Variants in MAP2K4 observed in about 807,000 individuals in gnomAD.
MAP2K4 encodes the protein mitogen-activated protein kinase kinase 4, also known as dual specificity mitogen-activated protein kinase kinase 4.
A neutral mutation model predicts 48.5 loss-of-function variants in MAP2K4; 4 were observed. That is an observed-to-expected ratio of 0.08 (90% CI 0.04 to 0.19). MAP2K4 has a LOEUF of 0.19. Among genes scored for constraint, MAP2K4 ranks in the 10% least tolerant of loss-of-function variants. The pLI is 1.00. For missense variants in MAP2K4, 258 were observed against 493.3 expected, an observed-to-expected ratio of 0.52 and a Z score of 4.52; for synonymous variants, 166 against 173.1, an observed-to-expected ratio of 0.96 and a Z score of 0.32.
intron 2 of MAP2K4, among the ~76,000 whole-genome samples, chr17:12,064,163 C>T (rs1970541689): frequency 6.6e-6 from 1 of 152,076 alleles, no homozygotes; most frequent in Non-Finnish European, 1.5e-5. Flanking sequence ...GAGACAAAAT[C>T]TCACTCTGTC....
intron 3 of MAP2K4, among the ~76,000 whole-genome samples, chr17:12,088,445 T>TATATATTAAATATTAA (rs376104166): frequency 0.8 from 103,343 of 129,392 alleles, 39,727 homozygotes; most frequent in East Asian, 0.84. Flanking sequence ...TTACATATAA[T>TATATATTAAATATTAA]ATATATTAAA....
rs1973389545 is a variant in MAP2K4, at chr17:12,141,955, C to A, written c.*695C>A. 8.6e-6 allele frequency: 2 copies of A among 233,228 alleles called. No homozygotes were observed. The highest frequency in any genetic ancestry group is 1.7e-5 in the Non-Finnish European group (2 of 117,804). The allele number at this position is 233,228 out of a possible 1,614,324, so 14.4% of individuals were successfully genotyped here. On this transcript the variant is annotated 3_prime_UTR_variant, in exon 11 of 11. Transcript: ENST00000353533. ...ATATAGAGACAGGACAGAATGTGTT[C>A]TTTTCTCCTTTACCAGTCCTATTTT...
rs559800950 is a variant in MAP2K4 at position 12,054,909 on chromosome 17, T to A, written c.136T>A (p.Leu46Met). 6.2e-7 allele frequency: 1 copy of A among 1,610,842 alleles called. No individual in the cohort carries two copies. The highest frequency in any genetic ancestry group is 1.1e-5 in the South Asian group (1 of 90,966). ...CTCAGGTAAACGCAAAGCACTGAAG[T>A]TGAATTTTGCAAATCCACCTTTCAA... Reference protein sequence around the residue: ...SMQGKRKALKLNFANPPFKST... With the variant: ...SMQGKRKALKMNFANPPFKST... Residue 46 changes from leucine to methionine, a missense_variant, in exon 2 of 11, where the codon TTG (leucine) becomes ATG (methionine). This residue lies in a region of MAP2K4 where 132 missense variants were observed against 352.8 expected (regional missense o/e 0.37). Transcript: ENST00000353533.
intron 2 of MAP2K4, among the ~76,000 whole-genome samples, chr17:12,071,521 G>T (rs1970806982): frequency 6.6e-6 from 1 of 152,122 alleles, no homozygotes; most frequent in Non-Finnish European, 1.5e-5. Flanking sequence ...GACGGATGAA[G>T]ACCAGTGCCT....
At chr17:12,123,818 T>C (rs1400813481) in intron 7 of MAP2K4, among the ~76,000 whole-genome samples, 4 of 152,192 alleles carry the variant, frequency 2.6e-5, no homozygotes, top group Admixed American at 1.3e-4. Context: ...TCTTCAGATA[T>C]TTGAGGACTT....
At chr17:12,055,468 A>G (rs537723846) in intron 2 of MAP2K4, among the ~76,000 whole-genome samples, 2 of 152,090 alleles carry the variant, frequency 1.3e-5, no homozygotes, top group Admixed American at 6.5e-5. Context: ...ATATTAAAAA[A>G]CCTCTTCTTA....
At chr17:12,126,055 C>CT (rs1344528837) in intron 8 of MAP2K4, among the ~76,000 whole-genome samples, 1 of 152,072 alleles carries the variant, frequency 6.6e-6, no homozygotes, top group African/African-American at 2.4e-5. Flanking sequence ...CATGAGAACT[C>CT]TATCATGAGA....
intron 2 of MAP2K4, among the ~76,000 whole-genome samples, chr17:12,066,689 T>C (rs1970626083): frequency 6.6e-6 from 1 of 152,042 alleles, no homozygotes; most frequent in South Asian, 2.1e-4. Context: ...CTACCACACA[T>C]GGCTAATTTT....
chr17:12,079,279 A>G (rs1469471475), intron 2 of MAP2K4, among the ~76,000 whole-genome samples: 2 of 152,238 alleles, frequency 1.3e-5, no homozygotes, highest in Non-Finnish European at 2.9e-5. Context: ...AACTATTAGT[A>G]GAGATATTCC....
intron 1 of MAP2K4, among the ~76,000 whole-genome samples, chr17:12,040,182 T>G (rs552684144): frequency 3.3e-5 from 5 of 152,324 alleles, no homozygotes; most frequent in Admixed American, 2.6e-4. Context: ...CCATTAACTT[T>G]GCCTACATTA....
At chr17:12,112,980 A>G (rs548169353) in intron 6 of MAP2K4, 143 of 273,760 alleles carry the variant, frequency 5.2e-4, no homozygotes, top group African/African-American at 2.6e-3. Context: ...CCCCATCTAT[A>G]TCTTACAGAT....
At chr17:12,062,341 C>G (rs1284394890) in intron 2 of MAP2K4, among the ~76,000 whole-genome samples, 2 of 151,808 alleles carry the variant, frequency 1.3e-5, no homozygotes, top group African/African-American at 4.8e-5. Context: ...CTGAATATGC[C>G]TTTGTCTTTT....
chr17:12,034,646 A>G (rs1020896869), intron 1 of MAP2K4, among the ~76,000 whole-genome samples: 99 of 152,352 alleles, frequency 6.5e-4, no homozygotes, highest in African/African-American at 2.3e-3. Context: ...TAGCAAGCTC[A>G]TAGTTTAGTG....
chr17:12,052,742 C>T (rs1970181058), intron 1 of MAP2K4, among the ~76,000 whole-genome samples: 1 of 152,114 alleles, frequency 6.6e-6, no homozygotes, highest in South Asian at 2.1e-4. Context: ...TAAAGATTTT[C>T]TTCAAATTGT....
In MAP2K4 at chr17:12,027,076, T is replaced by A. The variant is rs573255051; in HGVS notation, c.115+6075T>A. The A allele has an allele frequency of 1.4e-4, 21 of 152,328 alleles. No individual in the cohort carries two copies. The East Asian group carries it at 3.9e-3, about 28-fold the overall frequency. The allele number at this position is 152,328 out of a possible 1,614,324, so 9.4% of individuals were successfully genotyped here. ...TTTGTAATCTGGGCAAATTACTATT[T>A]TTGCTAGTGGATGTGGGTTAGCTTC... On this transcript the variant is annotated intron_variant, in intron 1 of 10. Transcript: ENST00000353533.
At chr17:12,025,282 G>A (rs1012432247) in intron 1 of MAP2K4, among the ~76,000 whole-genome samples, 2 of 152,008 alleles carry the variant, frequency 1.3e-5, no homozygotes, top group African/African-American at 2.4e-5. Context: ...GTTAAAATAG[G>A]GATAATGCCT....
rs1971193644 is a variant in MAP2K4, at chr17:12,081,761, G to A, written c.393+231G>A. Reference sequence around the variant, plus strand: ...AGTGTGCATGTTGATTGCATTTTTGGCATGATGCATTAACATGTTTTAAAC... The same window carrying A: ...AGTGTGCATGTTGATTGCATTTTTGACATGATGCATTAACATGTTTTAAAC... On this transcript the variant is annotated intron_variant, in intron 3 of 10. Transcript: ENST00000353533. The surrounding 1 kb of genome is among the most constrained non-coding windows in gnomAD (Gnocchi z 4.2). 3.6e-6 allele frequency: 2 copies of A among 555,736 alleles called. No homozygotes were observed. Among genetic ancestry groups the A allele is most frequent in the Non-Finnish European group, 6.7e-6 (2 of 299,176 alleles). The allele number at this position is 555,736 out of a possible 1,614,324, so 34.4% of individuals were successfully genotyped here. A position where few individuals can be genotyped will look rare whatever the true frequency, so the allele number is the denominator to read the frequency against.
chr17:12,024,560 G>C (rs1229344910), intron 1 of MAP2K4, among the ~76,000 whole-genome samples: 1 of 151,296 alleles, frequency 6.6e-6, no homozygotes, highest in South Asian at 2.1e-4. Context: ...ATGTAGATCT[G>C]TTTGCCAAGT....
Position 12,085,116 on chromosome 17 carries a change from A to G in MAP2K4, c.393+3586A>G, listed in dbSNP as rs534572131. On this transcript the variant is annotated intron_variant, in intron 3 of 10. Coordinates refer to ENST00000353533, the MANE Select transcript of MAP2K4 (RefSeq NM_003010.4). ...TGTTTTCTAGCAGACTCATGTCCAG[A>G]TTGACTTCTTGAAGGTATGCATGCC... 2.0e-5 allele frequency among the ~76,000 whole-genome samples: 3 copies of G among 152,250 alleles called. No individual in the cohort carries two copies. In the East Asian group the frequency reaches 5.8e-4, roughly 29 times the overall value.
Sources: allele counts gnomAD v4.1 joint callset (sites outside exome capture counted in the v4.1 genomes callset), GRCh38; gene constraint gnomAD v4.1.1; regional missense constraint gnomAD v4.1.1; non-coding constraint Gnocchi (gnomAD v3.1); transcripts MANE v1.5; gene names NCBI Gene and HGNC (gene_info 2026-07-23, HGNC 2026-07-21).